CPZ: variants seen among roughly 807,000 people sequenced by gnomAD.
CPZ encodes VEZT/CPZ fusion.
CPZ carries 103 observed loss-of-function variants against 61.8 expected under a neutral mutation model. The observed-to-expected ratio is 1.67, with a 90% CI of 1.42 to 1.96. CPZ has a LOEUF of 1.96. Ranked by LOEUF, CPZ falls within the 30% of genes most tolerant of loss-of-function variation. The probability of loss-of-function intolerance (pLI) is 0.00; values close to 1 mark genes in which losing one functional copy is unlikely to be tolerated. For synonymous variants in CPZ, 551 were observed against 373.7 expected (o/e 1.47, Z -5.47); for missense variants, 1,461 against 914.9 (o/e 1.60, Z -7.70).
intron 9 of CPZ, among the ~76,000 whole-genome samples, chr4:8,617,221 C>T (rs948855366): frequency 5.3e-5 from 8 of 152,244 alleles, no homozygotes; most frequent in Admixed American, 2.6e-4. Flanking sequence ...CTGAAATCAT[C>T]GGTCCTGCAG....
At chr4:8,619,190 A>G in intron 10 of CPZ, 72 bp from the exon 11 acceptor site, 1 of 1,346,480 alleles carries the variant, frequency 7.4e-7, no homozygotes, top group South Asian at 1.4e-5. Flanking sequence ...CCCCACTCAT[A>G]TCCATCACCC....
intron 2 of CPZ, 185 bp from the exon 3 acceptor site, chr4:8,600,938 C>T (rs1166398356): frequency 7.4e-7 from 1 of 1,343,008 alleles, no homozygotes; most frequent in Non-Finnish European, 9.5e-7. Context: ...TCTTAGGCTC[C>T]TCCTCTGGTC....
chr4:8,611,376 G>A (rs62288589), intron 7 of CPZ: 17,269 of 433,396 alleles, frequency 0.04, 470 homozygotes, highest in Non-Finnish European at 0.057. Context: ...GGGAAGGGAA[G>A]CCTGTGGGGA....
At chr4:8,611,965 C>T (rs1242105638) in intron 7 of CPZ, 62 bp from the exon 8 acceptor site, 2 of 1,610,616 alleles carry the variant, frequency 1.2e-6, no homozygotes, top group Admixed American at 1.7e-5. Flanking sequence ...CCTCATTGAC[C>T]CCAGCTCACA....
intron 7 of CPZ, among the ~76,000 whole-genome samples, chr4:8,608,556 T>TG (rs1181352880): frequency 6.6e-6 from 1 of 151,970 alleles, no homozygotes; most frequent in Non-Finnish European, 1.5e-5. Flanking sequence ...GTCCCTGCGC[T>TG]GGGGGTCCTC....
chr4:8,618,094 C>T (rs537204988), intron 9 of CPZ: 1 of 319,502 alleles, frequency 3.1e-6, no homozygotes, highest in East Asian at 7.8e-5. Context: ...GCTGGGAAGG[C>T]AGGGAAGGAA....
intron 3 of CPZ, chr4:8,603,007 A>C (rs1714686930): frequency 6.6e-6 from 1 of 152,374 alleles, no homozygotes. Context: ...GCGAGGAAGG[A>C]AGCCAAGCCC....
chr4:8,615,036 G>A (rs1170991254), intron 9 of CPZ, among the ~76,000 whole-genome samples: 1 of 152,082 alleles, frequency 6.6e-6, no homozygotes, highest in Non-Finnish European at 1.5e-5. Context: ...GCAGAAGTGA[G>A]GGCTCTGGGC....
intron 2 of CPZ, 118 bp downstream of exon 2, chr4:8,599,603 C>G (rs775541199): frequency 6.6e-7 from 1 of 1,519,034 alleles, no homozygotes; most frequent in Non-Finnish European, 8.8e-7. Context: ...GATAACACAG[C>G]CCATTAATCA....
intron 10 of CPZ, 119 bp downstream of exon 10, chr4:8,618,647 C>T: frequency 1.1e-6 from 1 of 930,430 alleles, no homozygotes; most frequent in Non-Finnish European, 1.6e-6. Context: ...TGGCTCCATT[C>T]CTCCCCAGGC....
chr4:8,616,123 G>C (rs531790209), intron 9 of CPZ, among the ~76,000 whole-genome samples: 4 of 152,224 alleles, frequency 2.6e-5, no homozygotes, highest in African/African-American at 9.6e-5. Context: ...GTGGACCTTG[G>C]AAGGCTGGGC....
intron 4 of CPZ, 22 bp from the exon 5 acceptor site, chr4:8,605,967 A>C (rs747606467): frequency 1.0e-5 from 16 of 1,604,314 alleles, no homozygotes; most frequent in Non-Finnish European, 1.2e-5. Flanking sequence ...ATGATGCCCC[A>C]AGTCTCTGTA....
chr4:8,613,554 G>A (rs1051132876), intron 8 of CPZ, among the ~76,000 whole-genome samples: 5 of 152,228 alleles, frequency 3.3e-5, no homozygotes, highest in Non-Finnish European at 5.9e-5. Flanking sequence ...AACAGCAGCT[G>A]CAGGCTCTGC....
rs1161492185 is a variant in CPZ at position 8,619,112 on chromosome 4, G to C, written c.1604-150G>C. On this transcript the variant is annotated intron_variant, in intron 10 of 10. Coordinates refer to ENST00000360986, the MANE Select transcript of CPZ (RefSeq NM_001014447.3). ...TAAGAGTTTGACAGAGAAAAGGGGT[G>C]GGAAGGACGTTCCAGGCCCACACAG... 5 of 655,924 alleles carry C rather than the reference G, an allele frequency of 7.6e-6. No individual in the cohort carries two copies. The Admixed American group carries it at 1.6e-4, about 21-fold the overall frequency. The allele number at this position is 655,924 out of a possible 1,614,324, so 40.6% of individuals were successfully genotyped here.
intron 9 of CPZ, among the ~76,000 whole-genome samples, chr4:8,617,778 G>C (rs919133875): frequency 1.3e-5 from 2 of 152,196 alleles, no homozygotes; most frequent in Admixed American, 6.5e-5. Flanking sequence ...CTGCTGACTA[G>C]AGCAGGGGCC....
chr4:8,616,089 G>C (rs1716133805), intron 9 of CPZ, among the ~76,000 whole-genome samples: 1 of 152,188 alleles, frequency 6.6e-6, no homozygotes, highest in South Asian at 2.1e-4. Flanking sequence ...ATGAAGTCTT[G>C]GGATATGAAG....
chr4:8,594,519 T>C (rs1714035830), intron 1 of CPZ, among the ~76,000 whole-genome samples: 1 of 152,166 alleles, frequency 6.6e-6, no homozygotes, highest in Admixed American at 6.5e-5. Flanking sequence ...CTCTCTGACC[T>C]CATTCAGGTC....
At position 8,594,078 on chromosome 4, in the gene CPZ, C is replaced by G. The variant is rs535811762; in HGVS notation, c.88+1157C>G. Among the ~76,000 whole-genome samples the G allele has an allele frequency of 1.5e-3, 231 of 152,332 alleles. 1 individual carries two copies. Among genetic ancestry groups the G allele is most frequent in the African/African-American group, 5.4e-3 (223 of 41,584 alleles). ...AAGAAATGCAGCCTCCTCCTCTGCA[C>G]GCAGGCAGCACAGACCACCCTGTCC... On this transcript the variant is annotated intron_variant, in intron 1 of 10. Transcript: ENST00000360986.
chr4:8,612,174 G>A lies in CPZ; in HGVS notation c.1363+12G>A, dbSNP rs1253776954. ...CAGCTTCACGGGAGGTGCGGCTTCCGCAGGGCGGGACTGGGCGGGGGGTGG... is the reference window on the plus strand; with the variant it reads ...CAGCTTCACGGGAGGTGCGGCTTCCACAGGGCGGGACTGGGCGGGGGGTGG... On this transcript the variant is annotated intron_variant, in intron 8 of 10. Transcript: ENST00000360986. 1.7e-5 allele frequency: 22 copies of A among 1,292,512 alleles called. No homozygotes were observed. The highest frequency in any genetic ancestry group is 4.7e-5 in the African/African-American group (3 of 64,118). 80.1% of individuals were successfully genotyped at this position (1,292,512 alleles called of 1,614,324 possible).
Sources: gnomAD v4.1 joint callset for allele counts (sites outside exome capture counted in the v4.1 genomes callset) on GRCh38, gnomAD v4.1.1 for gene constraint, MANE v1.5 for transcripts, NCBI Gene and HGNC (gene_info 2026-07-23, HGNC 2026-07-21) for gene names.